Variants in CYFIP1 observed in about 807,000 individuals in gnomAD.
The protein encoded by CYFIP1 is cytoplasmic FMR1-interacting protein 1.
A neutral mutation model predicts 163.5 loss-of-function variants in CYFIP1; 58 were observed. The ratio of observed to expected loss-of-function variants is 0.35; its 90% confidence interval spans 0.29 to 0.44. CYFIP1 has a LOEUF of 0.44. Ranked by LOEUF, CYFIP1 falls within the 20% of genes least tolerant of loss-of-function variation. The pLI is 1.00. For synonymous variants in CYFIP1, 663 were observed against 660.7 expected, an observed-to-expected ratio of 1.00 and a Z score of -0.05; for missense variants, 1,338 against 1,653.8, an observed-to-expected ratio of 0.81 and a Z score of 3.31.
At chr15:22,907,386 T>G (rs2060621183) in intron 21 of CYFIP1, among the ~76,000 whole-genome samples, 1 of 152,110 alleles carries the variant, frequency 6.6e-6, no homozygotes, top group African/African-American at 2.4e-5. Context: ...GACTGTGGTA[T>G]CCCCAGGGCT....
intron 5 of CYFIP1, 121 bp downstream of exon 5, chr15:22,944,437 A>G: frequency 1.5e-6 from 1 of 672,408 alleles, no homozygotes; most frequent in African/African-American, 1.8e-5. Context: ...TGTCTCAGAA[A>G]CTGGTTGCTT....
At chr15:22,895,756 T>A (rs1484257664) in intron 22 of CYFIP1, among the ~76,000 whole-genome samples, 1 of 152,178 alleles carries the variant, frequency 6.6e-6, no homozygotes, top group African/African-American at 2.4e-5. Flanking sequence ...TGAGCTCAGC[T>A]ACGTGGCCAG....
chr15:22,916,825 T>A (rs1225838786), intron 15 of CYFIP1, 195 bp from the exon 16 acceptor site: 1 of 1,558,420 alleles, frequency 6.4e-7, no homozygotes, highest in African/African-American at 1.4e-5. Flanking sequence ...GAACAACTTG[T>A]AGCGGAGCAG....
chr15:22,963,627 C>T lies in CYFIP1; in HGVS notation c.-6-16336G>A, dbSNP rs140899355. ...GGAAAGGAATGGGAAATGTCTCAAA[C>T]AGACTTGCCCCGACTCTTCAAGCGG... On this transcript the variant is annotated intron_variant, in intron 1 of 30. Transcript: ENST00000617928. Among the ~76,000 whole-genome samples, 384 of 152,232 alleles carry T rather than the reference C, an allele frequency of 2.5e-3. 3 individuals carry two copies. The highest frequency in any genetic ancestry group is 8.8e-3 in the African/African-American group (367 of 41,518).
In CYFIP1 at chr15:22,867,967, CCTTTAAAAA is replaced by C. The variant is rs2059245175; in HGVS notation, c.*2052_*2060del. On this transcript the variant is annotated 3_prime_UTR_variant, in exon 31 of 31. Transcript: ENST00000617928. The stretch of plus-strand genomic sequence containing the variant: ...CTATCCACTCATAACCATTGACTGG[CCTTTAAAAA>C]AAAGTATTGGCAGAATTAATTTCCA... 1 of 152,204 alleles carries C rather than the reference CCTTTAAAAA, an allele frequency of 6.6e-6. No homozygotes were observed. Among genetic ancestry groups the C allele is most frequent in the Non-Finnish European group, 1.5e-5 (1 of 68,040 alleles). The allele number at this position is 152,204 out of a possible 1,614,324, so 9.4% of individuals were successfully genotyped here. A position where few individuals can be genotyped will look rare whatever the true frequency, so the allele number is the denominator to read the frequency against.
At chr15:22,943,112 A>G in intron 6 of CYFIP1, 61 bp downstream of exon 6, 1 of 1,531,800 alleles carries the variant, frequency 6.5e-7, no homozygotes, top group Non-Finnish European at 9.0e-7. Flanking sequence ...GCTGTGCACA[A>G]GGCAGGCCAC....
rs748299035 is a variant in CYFIP1, at chr15:22,868,966, T to C, written c.*1062A>G. 2 of 152,204 alleles carry C rather than the reference T, an allele frequency of 1.3e-5. No individual in the cohort carries two copies. Among genetic ancestry groups the C allele is most frequent in the African/African-American group, 2.4e-5 (1 of 41,444 alleles). The allele number at this position is 152,204 out of a possible 1,614,324, so 9.4% of individuals were successfully genotyped here. A position where few individuals can be genotyped will look rare whatever the true frequency, so the allele number is the denominator to read the frequency against. On this transcript the variant is annotated 3_prime_UTR_variant, in exon 31 of 31. Transcript: ENST00000617928. ...TTAGGATTTTCAGAACCTCATTGCC[T>C]TAGTACTTTTTAAAATATGGCTTTA...
chr15:22,891,369 G>T (rs1441848507), intron 23 of CYFIP1, among the ~76,000 whole-genome samples: 1 of 152,172 alleles, frequency 6.6e-6, no homozygotes, highest in Non-Finnish European at 1.5e-5. Flanking sequence ...AGGCTGCAGT[G>T]AGCCGAGATC....
intron 1 of CYFIP1, among the ~76,000 whole-genome samples, chr15:22,970,636 T>C (rs565540026): frequency 1.6e-4 from 24 of 152,288 alleles, no homozygotes; most frequent in African/African-American, 5.8e-4. Context: ...GACATAAACC[T>C]TCACATATGT....
rs974350430 is a variant in CYFIP1 at position 22,910,653 on chromosome 15, T to A, written c.2160-25A>T. 1.9e-6 allele frequency: 3 copies of A among 1,609,946 alleles called. No individual in the cohort carries two copies. The African/African-American group carries it at 4.0e-5, about 22-fold the overall frequency. Reference sequence around the variant, plus strand: ...ACTAGTGTAGAAGGAAGACAGAAAGTTTTTCATACGCCATAAATTGTAATG... The same window carrying A: ...ACTAGTGTAGAAGGAAGACAGAAAGATTTTCATACGCCATAAATTGTAATG... On this transcript the variant is annotated intron_variant, in intron 19 of 30. Transcript: ENST00000617928.
At chr15:22,915,040 C>T (rs1048075237) in intron 16 of CYFIP1, 158 bp from the exon 17 acceptor site, 96 of 641,478 alleles carry the variant, frequency 1.5e-4, no homozygotes, top group Middle Eastern at 1.3e-3. Context: ...CGGGGCCTTG[C>T]ACTAGGGACA....
intron 1 of CYFIP1, chr15:22,951,615 G>A (rs773167415): frequency 5.7e-6 from 7 of 1,217,408 alleles, no homozygotes; most frequent in African/African-American, 1.6e-5. Context: ...GCCTGGGGGC[G>A]TGTCCAGTCA....
intron 1 of CYFIP1, among the ~76,000 whole-genome samples, chr15:22,962,519 C>G (rs2062720496): frequency 6.6e-6 from 1 of 152,006 alleles, no homozygotes; most frequent in African/African-American, 2.4e-5. Flanking sequence ...GTGCCTAAGC[C>G]TCCCGAGTAG....
intron 22 of CYFIP1, among the ~76,000 whole-genome samples, chr15:22,900,187 CGAGAA>C (rs2060350616): frequency 6.6e-6 from 1 of 151,954 alleles, no homozygotes; most frequent in Non-Finnish European, 1.5e-5. Context: ...GAAGTCCTTG[CGAGAA>C]GAGAAGAGAC....
At position 22,917,499 on chromosome 15, in the gene CYFIP1, G is replaced by A. The variant is rs935214170; in HGVS notation, c.1674+289C>T. The A allele has an allele frequency of 1.8e-6, 1 of 541,932 alleles. No individual in the cohort carries two copies. The highest frequency in any genetic ancestry group is 2.0e-5 in the African/African-American group (1 of 50,816). 33.6% of individuals were successfully genotyped at this position (541,932 alleles called of 1,614,324 possible). A position where few individuals can be genotyped will look rare whatever the true frequency, so the allele number is the denominator to read the frequency against. On this transcript the variant is annotated intron_variant, in intron 15 of 30. Coordinates refer to ENST00000617928, the MANE Select transcript of CYFIP1 (RefSeq NM_014608.6). This position sits in a 1 kb window ranked among gnomAD's most constrained non-coding sequence, Gnocchi z 4.2. ...AAACACCCATCAAGAAACACAGAAT[G>A]AATACAGACACGTGGACTTGTGCCC...
chr15:22,920,781 T>C (rs540111786), intron 13 of CYFIP1, among the ~76,000 whole-genome samples: 2 of 152,328 alleles, frequency 1.3e-5, no homozygotes, highest in South Asian at 4.1e-4. Context: ...AATGCCATGC[T>C]TGTGTTTTCA....
At chr15:22,964,588 G>A (rs1271374868) in intron 1 of CYFIP1, among the ~76,000 whole-genome samples, 1 of 152,110 alleles carries the variant, frequency 6.6e-6, no homozygotes, top group Non-Finnish European at 1.5e-5. Context: ...CGGCGAAGAT[G>A]CCACGGGCAC....
intron 1 of CYFIP1, among the ~76,000 whole-genome samples, chr15:22,975,836 C>T (rs1198354196): frequency 2.6e-5 from 4 of 152,078 alleles, no homozygotes; most frequent in Non-Finnish European, 2.9e-5. Flanking sequence ...GCCAGCCAAA[C>T]GTATACTTAA....
At chr15:22,942,643 A>C (rs2061928003) in intron 6 of CYFIP1, among the ~76,000 whole-genome samples, 1 of 152,168 alleles carries the variant, frequency 6.6e-6, no homozygotes, top group African/African-American at 2.4e-5. Flanking sequence ...TCCAGAAAGA[A>C]AACCACCAGG....
Sources: allele counts gnomAD v4.1 joint callset (sites outside exome capture counted in the v4.1 genomes callset), GRCh38; gene constraint gnomAD v4.1.1; non-coding constraint Gnocchi (gnomAD v3.1); transcripts MANE v1.5; gene names NCBI Gene and HGNC (gene_info 2026-07-23, HGNC 2026-07-21).